SH3RF1: variants seen among roughly 807,000 people sequenced by gnomAD.
SH3RF1 encodes the protein SH3 domain containing ring finger 1.
A neutral mutation model predicts 74.0 loss-of-function variants in SH3RF1; 32 were observed. The ratio of observed to expected loss-of-function variants is 0.43; its 90% confidence interval spans 0.33 to 0.58. SH3RF1 has a LOEUF of 0.58. Ranked by LOEUF, SH3RF1 falls within the 20% of genes least tolerant of loss-of-function variation. SH3RF1 has a pLI of 0.05. For synonymous variants in SH3RF1, 396 were observed against 439.6 expected (o/e 0.90, Z 1.24); for missense variants, 954 against 1,130.9 (o/e 0.84, Z 2.24).
intron 2 of SH3RF1, among the ~76,000 whole-genome samples, chr4:169,254,641 AAGCATGAACC>A (rs1731156597): frequency 6.6e-6 from 1 of 152,176 alleles, no homozygotes; most frequent in Non-Finnish European, 1.5e-5. Context: ...GATCTAGGCA[AAGCATGAACC>A]AGCAACGTAG....
At chr4:169,141,617 T>G (rs1325518990) in intron 4 of SH3RF1, among the ~76,000 whole-genome samples, 2 of 151,984 alleles carry the variant, frequency 1.3e-5, no homozygotes, top group Admixed American at 1.3e-4. Flanking sequence ...GTTAGTATTT[T>G]TCTTATAGAC....
intron 2 of SH3RF1, among the ~76,000 whole-genome samples, chr4:169,184,776 TGCAC>T (rs1734576635): frequency 6.6e-6 from 1 of 152,196 alleles, no homozygotes; most frequent in African/African-American, 2.4e-5. Context: ...AAACAAAGTC[TGCAC>T]TCTAGGGTGT....
intron 2 of SH3RF1, among the ~76,000 whole-genome samples, chr4:169,165,177 G>C (rs1367411891): frequency 6.6e-6 from 1 of 152,184 alleles, no homozygotes; most frequent in African/African-American, 2.4e-5. Context: ...TTGAAAAACA[G>C]ATTCCTGGCA....
In SH3RF1 at chr4:169,197,458, T is replaced by C. The variant is rs571528879; in HGVS notation, c.394-40779A>G. ...CTGGCCAACATTGTGAAACCCCGTCTCTACTAAAAACACAAAAATTAGCCA... is the reference window on the plus strand; with the variant it reads ...CTGGCCAACATTGTGAAACCCCGTCCCTACTAAAAACACAAAAATTAGCCA... On this transcript the variant is annotated intron_variant, in intron 2 of 11. Transcript: ENST00000284637. Among the ~76,000 whole-genome samples, 108 of 152,046 alleles carry C rather than the reference T, an allele frequency of 7.1e-4. 1 individual carries two copies. The South Asian group carries it at 0.016, about 23-fold the overall frequency.
chr4:169,114,829 T>C (rs1320503410), intron 10 of SH3RF1, among the ~76,000 whole-genome samples: 1 of 152,236 alleles, frequency 6.6e-6, no homozygotes, highest in Non-Finnish European at 1.5e-5. Flanking sequence ...TTTATTTCCT[T>C]ATAAACTGCT....
intron 2 of SH3RF1, among the ~76,000 whole-genome samples, chr4:169,234,851 G>A (rs780201833): frequency 2.6e-5 from 4 of 152,086 alleles, no homozygotes; most frequent in African/African-American, 7.2e-5. Flanking sequence ...GTTGGGGAGC[G>A]TGGCTGTCCT....
intron 2 of SH3RF1, among the ~76,000 whole-genome samples, chr4:169,245,870 T>C (rs1730988642): frequency 6.6e-6 from 1 of 152,220 alleles, no homozygotes; most frequent in Non-Finnish European, 1.5e-5. Flanking sequence ...CAATAGATTC[T>C]TCCAATAAAA....
chr4:169,107,522 C>T (rs1176590432), intron 10 of SH3RF1, among the ~76,000 whole-genome samples: 2 of 151,878 alleles, frequency 1.3e-5, no homozygotes, highest in East Asian at 1.9e-4. Flanking sequence ...TAGGATAAAC[C>T]GATAAAAAAG....
intron 2 of SH3RF1, among the ~76,000 whole-genome samples, chr4:169,245,644 T>C (rs964664386): frequency 6.6e-5 from 10 of 152,186 alleles, no homozygotes; most frequent in Admixed American, 4.6e-4. Flanking sequence ...ATAGCAATGA[T>C]AGTAAACCTC....
At chr4:169,183,432 C>T (rs1301309016) in intron 2 of SH3RF1, among the ~76,000 whole-genome samples, 3 of 152,138 alleles carry the variant, frequency 2.0e-5, no homozygotes, top group Admixed American at 2.0e-4. Flanking sequence ...AAGCACTTGC[C>T]ACCATGCCCA....
intron 4 of SH3RF1, among the ~76,000 whole-genome samples, chr4:169,139,354 G>A (rs147653742): frequency 1.4e-4 from 22 of 152,248 alleles, no homozygotes; most frequent in African/African-American, 5.3e-4. Context: ...ATAACACAGT[G>A]CTTTCCATAA....
chr4:169,181,199 T>C (rs1734504267), intron 2 of SH3RF1, among the ~76,000 whole-genome samples: 1 of 150,930 alleles, frequency 6.6e-6, no homozygotes, highest in Admixed American at 6.6e-5. Flanking sequence ...TTCTCATTCC[T>C]CCTAATCTGA....
In SH3RF1 at chr4:169,103,047, A is replaced by C. The variant is rs1039330504; in HGVS notation, c.2498+3800T>G. On this transcript the variant is annotated intron_variant, in intron 11 of 11. Transcript: ENST00000284637. ...AGCATTTCTCTGCCTCAGCCTCCCG[A>C]GTAGCTGGGATTACAGGTGCCCGCC... Among the ~76,000 whole-genome samples, 18 of 141,998 alleles carry C rather than the reference A, an allele frequency of 1.3e-4. No individual in the cohort carries two copies. The East Asian group carries it at 3.7e-3, about 29-fold the overall frequency. The allele number at this position is 141,998 out of a possible 152,430, so 93.2% of individuals were successfully genotyped here.
intron 2 of SH3RF1, among the ~76,000 whole-genome samples, chr4:169,167,495 G>A (rs1284518328): frequency 6.6e-6 from 1 of 152,192 alleles, no homozygotes; most frequent in Non-Finnish European, 1.5e-5. Flanking sequence ...GTACAAAAAT[G>A]CACATCACAG....
At chr4:169,248,458 A>AG (rs1731045097) in intron 2 of SH3RF1, among the ~76,000 whole-genome samples, 1 of 152,126 alleles carries the variant, frequency 6.6e-6, no homozygotes. Flanking sequence ...GGATACAGGG[A>AG]GGGGAACATC....
chr4:169,146,230 T>C (rs1304336963), intron 4 of SH3RF1, among the ~76,000 whole-genome samples: 1 of 130,548 alleles, frequency 7.7e-6, no homozygotes, highest in African/African-American at 3.0e-5. Context: ...TTTATATATA[T>C]ACTTTTTTTT....
chr4:169,149,194 GA>G (rs1733938037), intron 4 of SH3RF1, among the ~76,000 whole-genome samples: 1 of 152,144 alleles, frequency 6.6e-6, no homozygotes, highest in Non-Finnish European at 1.5e-5. Context: ...AAATTAGAAA[GA>G]AGCCTCTGAA....
At chr4:169,253,369 T>G (rs1561065484) in intron 2 of SH3RF1, among the ~76,000 whole-genome samples, 4 of 152,222 alleles carry the variant, frequency 2.6e-5, no homozygotes, top group African/African-American at 9.6e-5. Context: ...ATGTATATAG[T>G]TAAATTGTTG....
intron 4 of SH3RF1, among the ~76,000 whole-genome samples, chr4:169,142,679 C>T (rs1733806270): frequency 6.6e-6 from 1 of 152,234 alleles, no homozygotes; most frequent in African/African-American, 2.4e-5. Flanking sequence ...CTTCAACATT[C>T]TACTGCATCA....
Sources: allele counts gnomAD v4.1 joint callset (sites outside exome capture counted in the v4.1 genomes callset), GRCh38; gene constraint gnomAD v4.1.1; transcripts MANE v1.5; gene names NCBI Gene and HGNC (gene_info 2026-07-23, HGNC 2026-07-21).